TRAPPC8: variants seen among roughly 807,000 people sequenced by gnomAD.
TRAPPC8 encodes general sporulation gene 1 homolog.
In TRAPPC8, 54 loss-of-function variants were observed where a neutral mutation model predicts 174.3. The observed-to-expected ratio is 0.31, with a 90% CI of 0.25 to 0.39. The LOEUF is 0.39. TRAPPC8 is among the 10% of genes least tolerant of loss of function. The pLI, the probability that TRAPPC8 is intolerant of heterozygous loss-of-function variation, is 1.00. For missense variants in TRAPPC8, 1,531 were observed against 1,699.1 expected, an observed-to-expected ratio of 0.90 and a Z score of 1.74; for synonymous variants, 630 against 579.9, an observed-to-expected ratio of 1.09 and a Z score of -1.24.
rs761401710 is a variant in TRAPPC8, at chr18:31,846,731, T to C, written c.3822A>G (p.Ser1274=). The change falls in exon 26 of 29, where the codon TCA becomes TCG. Residue 1274 remains serine, a synonymous_variant. Transcript: ENST00000283351. ...ATGTTATCACCTGTTTCTGAGGATATGAAAAGGCTTCTTTTCCTATAGTGC... is the reference window on the plus strand; with the variant it reads ...ATGTTATCACCTGTTTCTGAGGATACGAAAAGGCTTCTTTTCCTATAGTGC... The part of the protein sequence containing the change: ...ILRTIGKEAF[S]YPQKQEPPEM... 7 of 1,610,500 alleles carry C rather than the reference T, an allele frequency of 4.3e-6. No homozygotes were observed. The highest frequency in any genetic ancestry group is 2.2e-5 in the East Asian group (1 of 44,864).
At chr18:31,846,511 G>C (rs2033412342) in intron 26 of TRAPPC8, among the ~76,000 whole-genome samples, 1 of 152,136 alleles carries the variant, frequency 6.6e-6, no homozygotes, top group South Asian at 2.1e-4. Flanking sequence ...GGGAGGTCAA[G>C]GCTGCAGTGA....
intron 24 of TRAPPC8, 89 bp from the exon 25 acceptor site, chr18:31,849,828 T>C: frequency 1.5e-6 from 2 of 1,299,662 alleles, no homozygotes; most frequent in Non-Finnish European, 2.0e-6. Flanking sequence ...ATTAAATATA[T>C]CCTGCCAAAA....
At chr18:31,941,444 A>AAAAT (rs760624403) in intron 1 of TRAPPC8, among the ~76,000 whole-genome samples, 84 of 152,306 alleles carry the variant, frequency 5.5e-4, no homozygotes, top group Non-Finnish European at 8.1e-4. Flanking sequence ...ACTCCATCTC[A>AAAAT]AAATAAATAA....
chr18:31,910,073 T>C (rs1419475942), intron 5 of TRAPPC8, among the ~76,000 whole-genome samples: 2 of 152,136 alleles, frequency 1.3e-5, no homozygotes, highest in East Asian at 3.8e-4. Flanking sequence ...TATAAGCACA[T>C]ACATATGCTT....
intron 12 of TRAPPC8, among the ~76,000 whole-genome samples, chr18:31,883,092 G>A (rs9675795): frequency 0.26 from 38,784 of 150,434 alleles, 5,296 homozygotes; most frequent in Middle Eastern, 0.38. Flanking sequence ...GCGTGGTAGC[G>A]TGCGCCTGTA....
intron 1 of TRAPPC8, among the ~76,000 whole-genome samples, chr18:31,932,040 C>T (rs2037868537): frequency 6.6e-6 from 1 of 152,076 alleles, no homozygotes; most frequent in Non-Finnish European, 1.5e-5. Flanking sequence ...GGAGGCTGTG[C>T]ATGTGCAGGG....
intron 16 of TRAPPC8, among the ~76,000 whole-genome samples, chr18:31,868,154 T>A (rs984322850): frequency 3.3e-5 from 5 of 152,144 alleles, no homozygotes; most frequent in African/African-American, 7.2e-5. Context: ...GCAATGACAT[T>A]TCTCTGGTCA....
At position 31,874,613 on chromosome 18, in the gene TRAPPC8, A is replaced by G. The variant is rs774704658; in HGVS notation, c.1820T>C (p.Ile607Thr). Residue 607 changes from isoleucine to threonine, a missense_variant, in exon 13 of 29, where the codon ATT (isoleucine) becomes ACT (threonine). Coordinates refer to ENST00000283351, the MANE Select transcript of TRAPPC8 (RefSeq NM_014939.5). ...TCTAAGAGTATAGGACTGGCGCCCA[A>G]TAGTGAAATTAATGTGATCCTCTGC... ...SLAEDHINFT[I>T]GRQSYTLRQL... 7.4e-6 allele frequency: 12 copies of G among 1,614,046 alleles called. No homozygotes were observed. The highest frequency in any genetic ancestry group is 3.3e-5 in the South Asian group (3 of 91,088).
At position 31,856,651 on chromosome 18, in the gene TRAPPC8, C is replaced by G. The variant is rs1042469652; in HGVS notation, c.3189-844G>C. On this transcript the variant is annotated intron_variant, in intron 20 of 28. Coordinates refer to ENST00000283351, the MANE Select transcript of TRAPPC8 (RefSeq NM_014939.5). ...TTCAAAGGTTTCTTCCTCTTTACTT[C>G]TTTTACAAAAATTTTACACTGTGGC... 4.6e-5 allele frequency among the ~76,000 whole-genome samples: 7 copies of G among 152,078 alleles called. 1 individual carries two copies. The highest frequency in any genetic ancestry group is 4.6e-4 in the Admixed American group (7 of 15,252).
At chr18:31,831,451 C>T (rs1206337616) in intron 28 of TRAPPC8, among the ~76,000 whole-genome samples, 2 of 152,192 alleles carry the variant, frequency 1.3e-5, no homozygotes, top group African/African-American at 4.8e-5. Context: ...ACTATAACAG[C>T]TAACATTTAT....
chr18:31,914,423 C>T (rs567069222), intron 4 of TRAPPC8, among the ~76,000 whole-genome samples: 7 of 152,308 alleles, frequency 4.6e-5, no homozygotes, highest in African/African-American at 1.7e-4. Context: ...ACTTGAATTA[C>T]TACCTTAAAT....
At chr18:31,862,558 C>A (rs1183806350) in intron 19 of TRAPPC8, among the ~76,000 whole-genome samples, 1 of 152,112 alleles carries the variant, frequency 6.6e-6, no homozygotes, top group African/African-American at 2.4e-5. Context: ...CAACCAGAAA[C>A]TGGCATTTGG....
At chr18:31,874,082 ACC>A (rs2035023721) in intron 13 of TRAPPC8, 1 of 224,706 alleles carries the variant, frequency 4.5e-6, no homozygotes. Context: ...ACAGATCCAT[ACC>A]CCCTCATCTT....
chr18:31,846,639 A>G, intron 26 of TRAPPC8, 77 bp downstream of exon 26: 1 of 1,222,886 alleles, frequency 8.2e-7, no homozygotes, highest in South Asian at 1.5e-5. Flanking sequence ...CAAAAACACA[A>G]AAGCCAACCA....
chr18:31,931,175 C>T (rs953929605), intron 2 of TRAPPC8, among the ~76,000 whole-genome samples, 154 bp downstream of exon 2: 5 of 152,158 alleles, frequency 3.3e-5, no homozygotes, highest in Non-Finnish European at 5.9e-5. Context: ...AATAAACAGG[C>T]AAAGTTCCTA....
chr18:31,839,893 TAA>T (rs1350879653), intron 26 of TRAPPC8, among the ~76,000 whole-genome samples: 7 of 152,220 alleles, frequency 4.6e-5, no homozygotes. Flanking sequence ...GCTGAAAATC[TAA>T]AACTGTTTAA....
intron 19 of TRAPPC8, among the ~76,000 whole-genome samples, chr18:31,860,283 T>C (rs1026359393): frequency 2.0e-5 from 3 of 152,118 alleles, no homozygotes; most frequent in African/African-American, 4.8e-5. Flanking sequence ...ATATATATAA[T>C]AGTGCTTGTG....
chr18:31,847,375 T>C (rs2033464140), intron 25 of TRAPPC8, among the ~76,000 whole-genome samples: 1 of 152,242 alleles, frequency 6.6e-6, no homozygotes, highest in Non-Finnish European at 1.5e-5. Context: ...CTCTTCTCTC[T>C]CTTCAATTGC....
At chr18:31,904,049 AACAT>A (rs1402552928) in intron 9 of TRAPPC8, among the ~76,000 whole-genome samples, 2 of 152,320 alleles carry the variant, frequency 1.3e-5, no homozygotes, top group Middle Eastern at 3.4e-3. Context: ...AATCCTGGAC[AACAT>A]GGCAAAATGC....
Sources: gnomAD v4.1 joint callset for allele counts (sites outside exome capture counted in the v4.1 genomes callset) on GRCh38, gnomAD v4.1.1 for gene constraint, MANE v1.5 for transcripts, NCBI Gene and HGNC (gene_info 2026-07-23, HGNC 2026-07-21) for gene names.